The following SNTG1 variants were observed in gnomAD, a reference collection of about 807,000 sequenced individuals.
SNTG1 encodes the protein syntrophin gamma 1.
In SNTG1, 39 loss-of-function variants were observed where a neutral mutation model predicts 74.7. That is an observed-to-expected ratio of 0.52 (90% CI 0.40 to 0.68). SNTG1 has a LOEUF of 0.68. Ranked by LOEUF, SNTG1 falls within the 30% of genes least tolerant of loss-of-function variation. The pLI is 0.00. For synonymous variants in SNTG1, 254 were observed against 217.1 expected, an observed-to-expected ratio of 1.17 and a Z score of -1.49; for missense variants, 685 against 609.5, an observed-to-expected ratio of 1.12 and a Z score of -1.30.
chr8:49,953,084 G>C (rs1313202698), intron 1 of SNTG1, among the ~76,000 whole-genome samples: 2 of 152,134 alleles, frequency 1.3e-5, no homozygotes, highest in African/African-American at 4.8e-5. Context: ...TTAGCTTATA[G>C]GTGAGATTTA....
At chr8:49,992,647 C>A (rs952732838) in intron 1 of SNTG1, among the ~76,000 whole-genome samples, 6 of 152,148 alleles carry the variant, frequency 3.9e-5, no homozygotes, top group Non-Finnish European at 7.3e-5. Context: ...AATTGCCTTT[C>A]ATGATAGTGC....
intron 2 of SNTG1, among the ~76,000 whole-genome samples, chr8:50,315,401 G>C (rs866232692): frequency 2.0e-5 from 3 of 149,650 alleles, no homozygotes; most frequent in Middle Eastern, 3.4e-3. Flanking sequence ...AACTTTATTG[G>C]CATTCCCCAC....
At chr8:50,191,464 T>A (rs2083573885) in intron 2 of SNTG1, among the ~76,000 whole-genome samples, 1 of 152,120 alleles carries the variant, frequency 6.6e-6, no homozygotes, top group African/African-American at 2.4e-5. Context: ...TGGAAATAGT[T>A]CGGCAAATCA....
chr8:50,625,139 A>G (rs1348331882), intron 13 of SNTG1, among the ~76,000 whole-genome samples: 1 of 152,170 alleles, frequency 6.6e-6, no homozygotes, highest in African/African-American at 2.4e-5. Flanking sequence ...ATCCCATCAC[A>G]TGTATACACT....
chr8:50,726,839 ACT>A (rs2095501484), intron 17 of SNTG1, among the ~76,000 whole-genome samples: 3 of 152,054 alleles, frequency 2.0e-5, no homozygotes, highest in Admixed American at 6.6e-5. Flanking sequence ...ACAGAGTGAG[ACT>A]CTGTCTCAAA....
At chr8:50,327,787 G>A (rs539178130) in intron 2 of SNTG1, among the ~76,000 whole-genome samples, 2 of 151,582 alleles carry the variant, frequency 1.3e-5, no homozygotes, top group South Asian at 2.1e-4. Flanking sequence ...CATTTTATAT[G>A]CTTCCATTTA....
chr8:49,995,292 A>C (rs1354394541), intron 1 of SNTG1, among the ~76,000 whole-genome samples: 1 of 152,208 alleles, frequency 6.6e-6, no homozygotes, highest in Non-Finnish European at 1.5e-5. Flanking sequence ...GTTTAGATTA[A>C]TGTTGATGTT....
At chr8:50,217,207 T>C (rs1029824836) in intron 2 of SNTG1, among the ~76,000 whole-genome samples, 3 of 152,068 alleles carry the variant, frequency 2.0e-5, no homozygotes, top group Non-Finnish European at 4.4e-5. Flanking sequence ...CATTTATGAA[T>C]GGTTAATATA....
At chr8:49,984,308 C>T (rs976326819) in intron 1 of SNTG1, among the ~76,000 whole-genome samples, 3 of 151,872 alleles carry the variant, frequency 2.0e-5, no homozygotes, top group Admixed American at 6.6e-5. Flanking sequence ...CAGATTCAAG[C>T]GATTCTCCTG....
chr8:50,777,238 AATATAATAT>A lies in SNTG1; in HGVS notation c.1396-15418_1396-15410del, dbSNP rs937316212. Among the ~76,000 whole-genome samples, 9 of 147,290 alleles carry A rather than the reference AATATAATAT, an allele frequency of 6.1e-5. No homozygotes were observed. In the South Asian group the frequency reaches 8.4e-4, roughly 14 times the overall value. On this transcript the variant is annotated intron_variant, in intron 18 of 18. Coordinates refer to ENST00000642720, the MANE Select transcript of SNTG1 (RefSeq NM_018967.5). ...AATAGCATATATATATATATATAAT[AATATAATAT>A]ATATAATATATATATTTGTTTTAGT...
At chr8:50,716,510 G>A (rs567594418) in intron 17 of SNTG1, among the ~76,000 whole-genome samples, 3 of 151,674 alleles carry the variant, frequency 2.0e-5, no homozygotes, top group South Asian at 4.2e-4. Context: ...TTGCTTTTAG[G>A]GAAATGAAGA....
chr8:50,120,554 A>G lies in SNTG1; in HGVS notation c.-102-52007A>G, dbSNP rs191685214. 8.9e-5 allele frequency among the ~76,000 whole-genome samples: 7 copies of G among 78,694 alleles called. 3 individuals carry two copies. The East Asian group carries it at 3.4e-3, about 39-fold the overall frequency. The allele number at this position is 78,694 out of a possible 152,430, so 51.6% of individuals were successfully genotyped here. On this transcript the variant is annotated intron_variant, in intron 1 of 18. Coordinates refer to ENST00000642720, the MANE Select transcript of SNTG1 (RefSeq NM_018967.5). ...CAATACTGCTACCATGATAACTACTACTACTACCACTACTAGTACCACTAC... is the reference window on the plus strand; with the variant it reads ...CAATACTGCTACCATGATAACTACTGCTACTACCACTACTAGTACCACTAC...
At chr8:50,736,469 G>T (rs536082818) in intron 17 of SNTG1, among the ~76,000 whole-genome samples, 1 of 152,032 alleles carries the variant, frequency 6.6e-6, no homozygotes, top group East Asian at 1.9e-4. Context: ...CTCCCACACA[G>T]TAAGAGTGGA....
At chr8:50,715,309 T>C (rs143300419) in intron 17 of SNTG1, among the ~76,000 whole-genome samples, 1 of 152,316 alleles carries the variant, frequency 6.6e-6, no homozygotes, top group African/African-American at 2.4e-5. Flanking sequence ...ACAGCATTAC[T>C]CATATCATTG....
chr8:50,020,609 G>GTTGT (rs1284641503), intron 1 of SNTG1, among the ~76,000 whole-genome samples: 1 of 152,016 alleles, frequency 6.6e-6, no homozygotes, highest in African/African-American at 2.4e-5. Context: ...GGATTTTATT[G>GTTGT]TTGTTTGATT....
intron 2 of SNTG1, among the ~76,000 whole-genome samples, chr8:50,338,398 A>T (rs749097552): frequency 6.6e-6 from 1 of 152,164 alleles, no homozygotes; most frequent in Non-Finnish European, 1.5e-5. Flanking sequence ...GGCACGGTAA[A>T]AGGCACATAA....
At chr8:50,354,660 C>T (rs2091766931) in intron 2 of SNTG1, among the ~76,000 whole-genome samples, 1 of 152,086 alleles carries the variant, frequency 6.6e-6, no homozygotes, top group African/African-American at 2.4e-5. Context: ...GTGTTATTCT[C>T]TCTCAGTTTC....
intron 2 of SNTG1, among the ~76,000 whole-genome samples, chr8:50,227,022 A>C (rs1195483709): frequency 1.3e-5 from 2 of 152,202 alleles, no homozygotes; most frequent in Non-Finnish European, 2.9e-5. Context: ...AAGAATTTGG[A>C]TGTTGTTACT....
intron 8 of SNTG1, among the ~76,000 whole-genome samples, chr8:50,459,441 C>T (rs868729337): frequency 2.0e-5 from 3 of 151,966 alleles, no homozygotes; most frequent in South Asian, 2.1e-4. Context: ...ATAAAATATT[C>T]GAATATATAT....
Sources: gnomAD v4.1 joint callset for allele counts (sites outside exome capture counted in the v4.1 genomes callset) on GRCh38, gnomAD v4.1.1 for gene constraint, MANE v1.5 for transcripts, NCBI Gene and HGNC (gene_info 2026-07-23, HGNC 2026-07-21) for gene names.